Variants in TPTE2 observed in about 807,000 individuals in gnomAD.
TPTE2 encodes transmembrane phosphoinositide 3-phosphatase and tensin homolog 2, also known as phosphatidylinositol 3,4,5-trisphosphate 3-phosphatase TPTE2.
TPTE2 carries 53 observed loss-of-function variants against 78.6 expected under a neutral mutation model. The ratio of observed to expected loss-of-function variants is 0.67; its 90% CI spans 0.54 to 0.85. The LOEUF (loss-of-function observed/expected upper bound fraction) is 0.85, where lower values mean the gene tolerates loss of function less well. Ranked by LOEUF, TPTE2 falls within the 40% of genes least tolerant of loss-of-function variation. The probability of loss-of-function intolerance (pLI) is 0.00; values close to 1 mark genes in which losing one functional copy is unlikely to be tolerated. For missense variants in TPTE2, 461 were observed against 623.0 expected (o/e 0.74, Z 2.77); for synonymous variants, 175 against 206.2 (o/e 0.85, Z 1.30).
intron 4 of TPTE2, among the ~76,000 whole-genome samples, chr13:19,477,394 T>A (rs968450609): frequency 1.3e-5 from 2 of 151,954 alleles, no homozygotes; most frequent in Non-Finnish European, 2.9e-5. Context: ...AAAATTGGCC[T>A]TTGATGAATG....
intron 6 of TPTE2, among the ~76,000 whole-genome samples, chr13:19,468,532 A>G (rs1376284670): frequency 1.3e-5 from 2 of 152,316 alleles, no homozygotes; most frequent in East Asian, 3.9e-4. Flanking sequence ...GTATCTACCC[A>G]GCAGTGGGAT....
At chr13:19,458,649 C>T in intron 10 of TPTE2, 1 of 494,314 alleles carries the variant, frequency 2.0e-6, no homozygotes, top group Admixed American at 2.1e-5. Context: ...TGCTTGCCTC[C>T]CTTTTCCACG....
At chr13:19,466,526 AAAAAAG>A (rs1879278071) in intron 7 of TPTE2, among the ~76,000 whole-genome samples, 1 of 152,172 alleles carries the variant, frequency 6.6e-6, no homozygotes, top group African/African-American at 2.4e-5. Context: ...TGTCACAGTA[AAAAAAG>A]AAAAAGAGTC....
At chr13:19,454,761 T>G (rs891413587) in intron 10 of TPTE2, among the ~76,000 whole-genome samples, 6 of 152,178 alleles carry the variant, frequency 3.9e-5, no homozygotes, top group African/African-American at 1.4e-4. Flanking sequence ...TTGTCTTGAT[T>G]TACATGCTAA....
At chr13:19,560,764 G>C in the TPTE2 span, 3 of 1,468,744 alleles carry the variant, frequency 2.0e-6, no homozygotes, top group South Asian at 1.2e-5. Flanking sequence ...GAAGGCGCCC[G>C]GGAAGGGCAG....
In TPTE2 at chr13:19,519,824, G is replaced by C. The variant is rs9551613; in HGVS notation, c.-43-16547C>G. Among the ~76,000 whole-genome samples, 6 of 152,228 alleles carry C rather than the reference G, an allele frequency of 3.9e-5. No individual in the cohort carries two copies. The East Asian group carries it at 1.2e-3, about 29-fold the overall frequency. ...TCAATTTCTACAAAAAGAGAAGCTA[G>C]GATTTTGATAGGAACTGAGTTGAAT... On this transcript the variant is annotated intron_variant, in intron 1 of 17. Coordinates refer to the TPTE2 transcript ENST00000390680.
the TPTE2 span, among the ~76,000 whole-genome samples, chr13:19,542,921 G>A: frequency 1.3e-5 from 2 of 151,762 alleles, no homozygotes; most frequent in Non-Finnish European, 2.9e-5. Context: ...AGCCCAGGAG[G>A]TCAAGGCAGC....
intron 10 of TPTE2, 28 bp from the exon 14 acceptor site, chr13:19,451,253 T>C: frequency 2.5e-6 from 4 of 1,612,842 alleles, no homozygotes; most frequent in East Asian, 2.2e-5. Context: ...ATATCTTACA[T>C]ATTTACATGG....
chr13:19,503,430 A>G (rs1868754419), upstream of TPTE2, among the ~76,000 whole-genome samples: 1 of 152,186 alleles, frequency 6.6e-6, no homozygotes, highest in Admixed American at 6.5e-5. Context: ...TCATTTTTTT[A>G]TTAGAAAGGA....
At chr13:19,485,626 A>T (rs1393226041) in intron 3 of TPTE2, among the ~76,000 whole-genome samples, 2 of 152,052 alleles carry the variant, frequency 1.3e-5, no homozygotes, top group Non-Finnish European at 2.9e-5. Context: ...TGTTTTCCTC[A>T]TATTTTCTCT....
At chr13:19,505,598 G>C (rs867964399), upstream of TPTE2, 13 of 152,094 alleles carry the variant, frequency 8.5e-5, no homozygotes, top group African/African-American at 2.9e-4. Flanking sequence ...CTGTAGCCCT[G>C]AGTCAGAACT....
chr13:19,444,016 AG>A (rs1236183777), intron 13 of TPTE2, among the ~76,000 whole-genome samples: 1 of 152,108 alleles, frequency 6.6e-6, no homozygotes, highest in Non-Finnish European at 1.5e-5. Context: ...AAGTGAGTTT[AG>A]GCTGGGCACG....
chr13:19,499,054 G>A (rs1396117108), intron 1 of TPTE2, among the ~76,000 whole-genome samples: 1 of 151,960 alleles, frequency 6.6e-6, no homozygotes, highest in Non-Finnish European at 1.5e-5. Context: ...GACAAAGAAG[G>A]CCATTACATA....
At chr13:19,446,662 C>T (rs972914449) in intron 13 of TPTE2, among the ~76,000 whole-genome samples, 2 of 152,112 alleles carry the variant, frequency 1.3e-5, no homozygotes, top group South Asian at 2.1e-4. Context: ...AACTTCTCTC[C>T]GGGCATGATG....
chr13:19,424,739 T>G (rs571449593), intron 19 of TPTE2, among the ~76,000 whole-genome samples: 1 of 152,234 alleles, frequency 6.6e-6, no homozygotes, highest in Non-Finnish European at 1.5e-5. Context: ...GCATGGACCC[T>G]GAGGATACTG....
chr13:19,479,007 C>T (rs1282199400), intron 4 of TPTE2, among the ~76,000 whole-genome samples: 1 of 151,566 alleles, frequency 6.6e-6, no homozygotes, highest in Non-Finnish European at 1.5e-5. Context: ...CGGGGCCTGT[C>T]ATGGGGTGGG....
chr13:19,493,180 C>A (rs74035058), intron 2 of TPTE2, among the ~76,000 whole-genome samples: 3 of 147,496 alleles, frequency 2.0e-5, no homozygotes, highest in African/African-American at 2.5e-5. Flanking sequence ...AACTCTGTTA[C>A]AAAAAAAAAA....
In TPTE2 at chr13:19,486,516, G is replaced by A. The variant is rs1401293991; in HGVS notation, c.120-3969C>T. 6.6e-6 allele frequency among the ~76,000 whole-genome samples: 1 copy of A among 152,188 alleles called. No homozygotes were observed. The highest frequency in any genetic ancestry group is 1.9e-4 in the East Asian group (1 of 5,184). On this transcript the variant is annotated intron_variant, in intron 3 of 19. Transcript: ENST00000400230. The surrounding 1 kb of genome is among the most constrained non-coding windows in gnomAD (Gnocchi z 4.3). ...CAACCAGGGCATGACTGCCAGATGT[G>A]CTTTGCAGGACAGTTTCTCAGGCCC...
chr13:19,483,153 C>G (rs553738968), intron 3 of TPTE2, among the ~76,000 whole-genome samples: 1 of 152,342 alleles, frequency 6.6e-6, no homozygotes, highest in East Asian at 1.9e-4. Flanking sequence ...ATGTTCATGG[C>G]TGCTGACTGA....
Sources: allele counts gnomAD v4.1 joint callset (sites outside exome capture counted in the v4.1 genomes callset), GRCh38; gene constraint gnomAD v4.1.1; non-coding constraint Gnocchi (gnomAD v3.1); transcripts MANE v1.5; gene names NCBI Gene and HGNC (gene_info 2026-07-23, HGNC 2026-07-21).